The following ADAMTSL1 variants were observed in gnomAD, a reference collection of about 807,000 sequenced individuals.
The protein encoded by ADAMTSL1 is ADAMTS-like protein 1.
A neutral mutation model predicts 201.8 loss-of-function variants in ADAMTSL1; 126 were observed. The observed-to-expected ratio is 0.62, with a 90% CI of 0.54 to 0.72. The LOEUF (loss-of-function observed/expected upper bound fraction) is 0.72. Ranked by LOEUF, ADAMTSL1 falls within the 30% of genes least tolerant of loss-of-function variation. The pLI, the probability that ADAMTSL1 is intolerant of heterozygous loss-of-function variation, is 0.00. For synonymous variants in ADAMTSL1, 1,121 were observed against 903.4 expected (o/e 1.24, Z -4.32); for missense variants, 2,679 against 2,277.8 (o/e 1.18, Z -3.59).
intron 2 of ADAMTSL1, among the ~76,000 whole-genome samples, chr9:18,399,837 A>T (rs1003903703): frequency 1.3e-5 from 2 of 152,246 alleles, no homozygotes; most frequent in East Asian, 3.9e-4. Flanking sequence ...GTTCCTGACA[A>T]ATTTTTTGGT....
At chr9:18,697,203 A>G (rs1831613654) in intron 13 of ADAMTSL1, among the ~76,000 whole-genome samples, 1 of 152,116 alleles carries the variant, frequency 6.6e-6, no homozygotes, top group African/African-American at 2.4e-5. Flanking sequence ...TTAACTCACA[A>G]ATTATTGAGG....
intron 8 of ADAMTSL1, among the ~76,000 whole-genome samples, chr9:18,661,684 G>C (rs1829103082): frequency 6.6e-6 from 1 of 152,066 alleles, no homozygotes; most frequent in African/African-American, 2.4e-5. Flanking sequence ...CTTATTATCT[G>C]GCTGGGCCCT....
chr9:17,964,771 G>C (rs944656082), intron 1 of ADAMTSL1, among the ~76,000 whole-genome samples: 1 of 152,158 alleles, frequency 6.6e-6, no homozygotes, highest in Non-Finnish European at 1.5e-5. Context: ...AATCCACAGT[G>C]ATCTAAACAT....
intron 1 of ADAMTSL1, among the ~76,000 whole-genome samples, chr9:17,914,011 A>C (rs532149915): frequency 6.6e-6 from 1 of 152,346 alleles, no homozygotes; most frequent in East Asian, 1.9e-4. Flanking sequence ...ACAGGCTCTG[A>C]AATTGTGGCA....
At chr9:18,749,012 C>G (rs892064270) in intron 15 of ADAMTSL1, among the ~76,000 whole-genome samples, 1 of 152,220 alleles carries the variant, frequency 6.6e-6, no homozygotes, top group Non-Finnish European at 1.5e-5. Flanking sequence ...GTCTCTGGCT[C>G]TGTCGTCGCA....
chr9:18,004,069 A>G (rs912532384), intron 1 of ADAMTSL1, among the ~76,000 whole-genome samples: 1 of 151,996 alleles, frequency 6.6e-6, no homozygotes, highest in Admixed American at 6.6e-5. Context: ...TCACTTATAT[A>G]CCGAAGAAAG....
chr9:18,405,320 G>A (rs767959945), intron 2 of ADAMTSL1, among the ~76,000 whole-genome samples: 3 of 152,116 alleles, frequency 2.0e-5, no homozygotes, highest in Non-Finnish European at 4.4e-5. Flanking sequence ...CTTCATTTAC[G>A]TAGATAGAAG....
At chr9:18,483,415 G>A (rs531733817) in intron 1 of ADAMTSL1, among the ~76,000 whole-genome samples, 1 of 152,178 alleles carries the variant, frequency 6.6e-6, no homozygotes, top group South Asian at 2.1e-4. Flanking sequence ...GGCCCCTTTA[G>A]GACCTTTAAA....
chr9:18,634,577 C>T (rs34070469), intron 5 of ADAMTSL1, among the ~76,000 whole-genome samples: 2,923 of 152,016 alleles, frequency 0.019, 68 homozygotes, highest in East Asian at 0.12. Context: ...CAGTGGCTCA[C>T]GCCTGTAATC....
In ADAMTSL1 at chr9:18,512,453, C is replaced by T. The variant is rs145055307; in HGVS notation, c.191+7497C>T. On this transcript the variant is annotated intron_variant, in intron 2 of 28. Coordinates refer to ENST00000380548, the MANE Select transcript of ADAMTSL1 (RefSeq NM_001040272.6). Reference sequence around the variant, plus strand: ...TTTTCTGTTTATTAAAAAAAAAAATCCTTATGTGATTTGTTCAGTAGCCCT... The same window carrying T: ...TTTTCTGTTTATTAAAAAAAAAAATTCTTATGTGATTTGTTCAGTAGCCCT... Among the ~76,000 whole-genome samples the T allele has an allele frequency of 4.6e-5, 7 of 151,954 alleles. 1 individual carries two copies. The East Asian group carries it at 1.4e-3, about 29-fold the overall frequency.
chr9:18,658,212 G>T (rs1437103022), intron 8 of ADAMTSL1, among the ~76,000 whole-genome samples: 3 of 152,252 alleles, frequency 2.0e-5, no homozygotes, highest in East Asian at 1.9e-4. Flanking sequence ...CTGACCTCGT[G>T]ATCCGCCCAC....
At chr9:18,795,971 G>T (rs1280232411) in intron 20 of ADAMTSL1, among the ~76,000 whole-genome samples, 1 of 152,156 alleles carries the variant, frequency 6.6e-6, no homozygotes, top group Non-Finnish European at 1.5e-5. Flanking sequence ...ATGGCTTGAA[G>T]CAGGAGTGTT....
chr9:18,176,936 A>T (rs534940088), intron 2 of ADAMTSL1, among the ~76,000 whole-genome samples: 4 of 152,366 alleles, frequency 2.6e-5, no homozygotes, highest in Admixed American at 2.6e-4. Context: ...ACTCAGTTAC[A>T]TATGAAGCAG....
rs35254758 is a variant in ADAMTSL1 at position 18,420,821 on chromosome 9, G to GA, written c.208-84001dup. 1.4e-4 allele frequency among the ~76,000 whole-genome samples: 21 copies of GA among 152,150 alleles called. No homozygotes were observed. In the South Asian group the frequency reaches 3.7e-3, roughly 27 times the overall value. ...TTAAAATTAAAAGGACTAGATTCAG[G>GA]AAAAAAATAGTTTTTGTCTCGAATG... On this transcript the variant is annotated intron_variant, in intron 2 of 29. Coordinates refer to the ADAMTSL1 transcript ENST00000680146.
At chr9:18,110,704 C>T (rs951125251) in intron 1 of ADAMTSL1, among the ~76,000 whole-genome samples, 7 of 152,030 alleles carry the variant, frequency 4.6e-5, no homozygotes. Context: ...TGGCAATGGC[C>T]CTTTATGCCT....
At chr9:18,037,029 G>A (rs1821229749) in intron 1 of ADAMTSL1, among the ~76,000 whole-genome samples, 2 of 152,212 alleles carry the variant, frequency 1.3e-5, no homozygotes, top group African/African-American at 2.4e-5. Context: ...GGCTTCCTAG[G>A]TGATGTGTCG....
intron 3 of ADAMTSL1, among the ~76,000 whole-genome samples, chr9:18,571,168 A>T (rs2132340769): frequency 6.6e-6 from 1 of 152,324 alleles, no homozygotes; most frequent in African/African-American, 2.4e-5. Context: ...GTCTGTACTA[A>T]GATGATATTG....
At chr9:18,617,714 G>A (rs1163001801) in intron 4 of ADAMTSL1, among the ~76,000 whole-genome samples, 1 of 152,072 alleles carries the variant, frequency 6.6e-6, no homozygotes, top group Non-Finnish European at 1.5e-5. Context: ...CCCACTAGTG[G>A]TATCTAAACA....
At chr9:18,858,936 G>A (rs1827034930) in intron 23 of ADAMTSL1, among the ~76,000 whole-genome samples, 1 of 152,180 alleles carries the variant, frequency 6.6e-6, no homozygotes, top group African/African-American at 2.4e-5. Flanking sequence ...CTTAATAGAT[G>A]CATTACCCAG....
Sources: allele counts gnomAD v4.1 joint callset (sites outside exome capture counted in the v4.1 genomes callset), GRCh38; gene constraint gnomAD v4.1.1; transcripts MANE v1.5; gene names NCBI Gene and HGNC (gene_info 2026-07-23, HGNC 2026-07-21).